DOCK3: variants seen among roughly 807,000 people sequenced by gnomAD.
The protein encoded by DOCK3 is dedicator of cytokinesis protein 3.
DOCK3 carries 60 observed loss-of-function variants against 265.6 expected under a neutral mutation model. That is an observed-to-expected ratio of 0.23 (90% confidence interval 0.18 to 0.28). The LOEUF (loss-of-function observed/expected upper bound fraction) is 0.28. DOCK3 is among the 10% of genes least tolerant of loss of function. The pLI is 1.00. For missense variants in DOCK3, 1,981 were observed against 2,594.3 expected, an observed-to-expected ratio of 0.76 and a Z score of 5.14; for synonymous variants, 881 against 938.0, an observed-to-expected ratio of 0.94 and a Z score of 1.11.
intron 49 of DOCK3, among the ~76,000 whole-genome samples, chr3:51,372,855 A>G (rs2087796796): frequency 6.6e-6 from 1 of 152,228 alleles, no homozygotes; most frequent in African/African-American, 2.4e-5. Flanking sequence ...TTCTCTTTAC[A>G]TAGCCATCTT....
chr3:51,007,742 T>C (rs2078742820), intron 5 of DOCK3, among the ~76,000 whole-genome samples: 1 of 27,642 alleles, frequency 3.6e-5, no homozygotes, highest in Non-Finnish European at 6.2e-5. Context: ...TCTAGGGTTT[T>C]TATGGTTTTT....
chr3:51,356,594 AC>A (rs1184969915), intron 43 of DOCK3, 101 bp downstream of exon 43: 2 of 1,246,534 alleles, frequency 1.6e-6, no homozygotes, highest in Admixed American at 3.7e-5. Flanking sequence ...AGCGTCGGCC[AC>A]CTGCCTGGCC....
At chr3:51,330,300 T>G in intron 33 of DOCK3, 77 bp downstream of exon 33, 150 of 1,300,276 alleles carry the variant, frequency 1.2e-4, no homozygotes, top group Non-Finnish European at 1.5e-4. Flanking sequence ...AGGTTGCAAC[T>G]GCACTGGCAG....
chr3:50,845,304 T>G (rs970349820), intron 3 of DOCK3, among the ~76,000 whole-genome samples: 8 of 152,216 alleles, frequency 5.3e-5, no homozygotes, highest in Admixed American at 5.2e-4. Context: ...TACTTGATTT[T>G]ATTTTTGTGC....
chr3:51,082,939 C>T (rs552497817), intron 7 of DOCK3, among the ~76,000 whole-genome samples: 132 of 152,284 alleles, frequency 8.7e-4, no homozygotes, highest in African/African-American at 3.1e-3. Context: ...AGGTGGCACA[C>T]CACTGCTACT....
chr3:50,722,772 T>TTG (rs1004211919), intron 1 of DOCK3, among the ~76,000 whole-genome samples: 2 of 148,762 alleles, frequency 1.3e-5, no homozygotes, highest in Non-Finnish European at 3.0e-5. Context: ...TTTTCTTGTT[T>TTG]TTTTTTTTTT....
intron 3 of DOCK3, among the ~76,000 whole-genome samples, chr3:50,856,862 G>A (rs759181980): frequency 2.0e-5 from 3 of 152,064 alleles, no homozygotes; most frequent in Non-Finnish European, 4.4e-5. Context: ...TTCCTGTGAT[G>A]CCTAGATTGT....
intron 5 of DOCK3, among the ~76,000 whole-genome samples, chr3:50,949,710 T>C (rs1243255267): frequency 6.6e-6 from 1 of 152,176 alleles, no homozygotes; most frequent in Non-Finnish European, 1.5e-5. Context: ...ATAATTTATA[T>C]TCTAGGAATT....
rs568245895 is a variant in DOCK3, at chr3:51,017,093, G to T, written c.316-47355G>T. Among the ~76,000 whole-genome samples, 3 of 148,316 alleles carry T rather than the reference G, an allele frequency of 2.0e-5. No individual in the cohort carries two copies. In the Admixed American group the frequency reaches 2.0e-4, roughly 10 times the overall value. ...CTGTTCAGGTTTTGGATTTCTTCATGGTTCAATCTTTGTAGGTTGTATGTG... is the reference window on the plus strand; with the variant it reads ...CTGTTCAGGTTTTGGATTTCTTCATTGTTCAATCTTTGTAGGTTGTATGTG... On this transcript the variant is annotated intron_variant, in intron 5 of 52. Transcript: ENST00000266037.
At chr3:50,883,170 G>A (rs2048141474) in intron 3 of DOCK3, among the ~76,000 whole-genome samples, 1 of 151,988 alleles carries the variant, frequency 6.6e-6, no homozygotes, top group South Asian at 2.1e-4. Flanking sequence ...TAATACAAAT[G>A]ATGAGTTAAC....
rs549481390 is a variant in DOCK3, at chr3:51,194,857, G to A, written c.1038-13917G>A. Among the ~76,000 whole-genome samples the A allele has an allele frequency of 6.9e-5, 9 of 130,854 alleles. No homozygotes were observed. In the South Asian group the frequency reaches 9.4e-4, roughly 14 times the overall value. 85.8% of individuals were successfully genotyped at this position (130,854 alleles called of 152,430 possible). A position where few individuals can be genotyped will look rare whatever the true frequency, so the allele number is the denominator to read the frequency against. Reference sequence around the variant, plus strand: ...TTTTTTTTTTTTGAGACAGAGTCTCGCTCTGTCACCAGGCTGCAGTGCAGT... The same window carrying A: ...TTTTTTTTTTTTGAGACAGAGTCTCACTCTGTCACCAGGCTGCAGTGCAGT... On this transcript the variant is annotated intron_variant, in intron 12 of 52. Coordinates refer to ENST00000266037, the MANE Select transcript of DOCK3 (RefSeq NM_004947.5).
At chr3:51,114,117 A>G (rs962964197) in intron 9 of DOCK3, among the ~76,000 whole-genome samples, 52 of 152,324 alleles carry the variant, frequency 3.4e-4, no homozygotes, top group Non-Finnish European at 6.8e-4. Context: ...TCATAAAAAA[A>G]AAAAATGCCT....
intron 12 of DOCK3, among the ~76,000 whole-genome samples, chr3:51,196,243 T>C (rs1432336831): frequency 1.3e-5 from 2 of 152,196 alleles, no homozygotes; most frequent in Non-Finnish European, 2.9e-5. Context: ...GCCAGACTTT[T>C]TTCTTTTAGT....
intron 6 of DOCK3, among the ~76,000 whole-genome samples, chr3:51,067,427 T>TGTG (rs2081633377): frequency 2.1e-5 from 3 of 144,108 alleles, no homozygotes; most frequent in African/African-American, 7.9e-5. Flanking sequence ...TGAAATATGT[T>TGTG]TGTGTGTGTG....
intron 1 of DOCK3, among the ~76,000 whole-genome samples, chr3:50,743,920 A>G (rs776133208): frequency 2.0e-5 from 3 of 152,190 alleles, no homozygotes; most frequent in South Asian, 2.1e-4. Flanking sequence ...CAGGGTTCCA[A>G]TTTCTCCACA....
chr3:51,243,466 G>T (rs577837331), intron 21 of DOCK3, among the ~76,000 whole-genome samples: 19 of 151,978 alleles, frequency 1.3e-4, no homozygotes, highest in Non-Finnish European at 2.2e-4. Context: ...TGGGTGTAAA[G>T]TGATATTTCT....
At chr3:51,029,504 A>G (rs1457165589) in intron 5 of DOCK3, among the ~76,000 whole-genome samples, 1 of 152,212 alleles carries the variant, frequency 6.6e-6, no homozygotes, top group Non-Finnish European at 1.5e-5. Flanking sequence ...TGTCTGCAAC[A>G]GTGCACTGGG....
intron 1 of DOCK3, among the ~76,000 whole-genome samples, chr3:50,751,443 C>G (rs2039802061): frequency 6.6e-6 from 1 of 152,056 alleles, no homozygotes; most frequent in Non-Finnish European, 1.5e-5. Context: ...CTGGACAGGC[C>G]TCAGTGTGTG....
chr3:50,861,761 T>TC (rs2046922122), intron 3 of DOCK3, among the ~76,000 whole-genome samples: 1 of 151,956 alleles, frequency 6.6e-6, no homozygotes, highest in African/African-American at 2.4e-5. Flanking sequence ...CTCTCTCTTT[T>TC]TTTTTTTTTG....
Sources: allele counts gnomAD v4.1 joint callset (sites outside exome capture counted in the v4.1 genomes callset), GRCh38; gene constraint gnomAD v4.1.1; transcripts MANE v1.5; gene names NCBI Gene and HGNC (gene_info 2026-07-23, HGNC 2026-07-21).